The following EPSTI1 variants were observed in gnomAD, a reference collection of about 807,000 sequenced individuals.
EPSTI1 encodes epithelial-stromal interaction protein 1.
Under a neutral mutation model 49.9 loss-of-function variants are expected in EPSTI1, and 66 were observed. The observed-to-expected ratio is 1.32, with a 90% CI of 1.08 to 1.62. The LOEUF is 1.62. Among genes scored for constraint, EPSTI1 ranks in the 40% most tolerant of loss-of-function variants. EPSTI1 has a pLI of 0.00. For synonymous variants in EPSTI1, 137 were observed against 130.7 expected, an observed-to-expected ratio of 1.05 and a Z score of -0.33; for missense variants, 394 against 365.5, an observed-to-expected ratio of 1.08 and a Z score of -0.64.
At chr13:42,970,016 C>G (rs1044362628) in intron 2 of EPSTI1, 1 of 152,332 alleles carries the variant, frequency 6.6e-6, no homozygotes, top group African/African-American at 2.4e-5. Flanking sequence ...CCACCCGGAG[C>G]TACATGTCCG....
At chr13:42,977,954 T>C (rs938644519) in intron 1 of EPSTI1, among the ~76,000 whole-genome samples, 2 of 151,946 alleles carry the variant, frequency 1.3e-5, no homozygotes, top group Non-Finnish European at 2.9e-5. Flanking sequence ...ATCGAGACCA[T>C]CCTGGCTAAC....
At chr13:42,969,399 T>TTTTGGTGTGTGAGTGTG in intron 2 of EPSTI1, 2 of 489,302 alleles carry the variant, frequency 4.1e-6, no homozygotes, top group Non-Finnish European at 7.1e-6. Flanking sequence ...CACAGAGGGT[T>TTTTGGTGTGTGAGTGTG]CGAATTTGAA....
At chr13:42,972,785 G>C (rs2039796776) in intron 1 of EPSTI1, among the ~76,000 whole-genome samples, 2 of 151,966 alleles carry the variant, frequency 1.3e-5, no homozygotes. Flanking sequence ...TTAGGAACAA[G>C]TCAAGAAACC....
At chr13:42,921,270 T>C (rs538095554) in intron 7 of EPSTI1, among the ~76,000 whole-genome samples, 10 of 152,238 alleles carry the variant, frequency 6.6e-5, no homozygotes, top group South Asian at 6.2e-4. Flanking sequence ...ATCCTTCATA[T>C]AAAGCCTGAA....
At chr13:42,897,722 A>G (rs1423356045) in intron 9 of EPSTI1, among the ~76,000 whole-genome samples, 1 of 152,256 alleles carries the variant, frequency 6.6e-6, no homozygotes, top group East Asian at 1.9e-4. Context: ...CTTTGATACT[A>G]TAGGAGTGTC....
chr13:42,942,749 C>T (rs1384826452), intron 6 of EPSTI1, among the ~76,000 whole-genome samples: 6 of 138,446 alleles, frequency 4.3e-5, no homozygotes, highest in African/African-American at 1.1e-4. Flanking sequence ...ACTGCAGTGG[C>T]GCAATCTCGG....
intron 5 of EPSTI1, among the ~76,000 whole-genome samples, chr13:42,960,164 T>C (rs140133110): frequency 2.0e-5 from 3 of 152,298 alleles, no homozygotes; most frequent in Non-Finnish European, 4.4e-5. Flanking sequence ...TATAATACCG[T>C]ATATTATCTC....
chr13:42,939,132 A>G (rs1302649415), intron 6 of EPSTI1, among the ~76,000 whole-genome samples: 1 of 152,126 alleles, frequency 6.6e-6, no homozygotes. Context: ...CAGCTTTCAT[A>G]GAATTAAACA....
chr13:42,963,899 C>G (rs2039532707), intron 4 of EPSTI1, among the ~76,000 whole-genome samples, 167 bp downstream of exon 4: 1 of 152,214 alleles, frequency 6.6e-6, no homozygotes, highest in Non-Finnish European at 1.5e-5. Context: ...AGGTATCCAT[C>G]TCTTCACTTC....
chr13:42,888,304 A>T lies in EPSTI1; in HGVS notation c.*190T>A. 6.3e-7 allele frequency: 1 copy of T among 1,581,462 alleles called. No homozygotes were observed. The highest frequency in any genetic ancestry group is 8.6e-7 in the Non-Finnish European group (1 of 1,161,334). On this transcript the variant is annotated 3_prime_UTR_variant, in exon 11 of 11. Coordinates refer to ENST00000313624, the MANE Select transcript of EPSTI1 (RefSeq NM_033255.5). ...AGTAGAGATTAAATATGAGTTCAGGAATCAGCTCCTCCAAACATGCATAAA... is the reference window on the plus strand; with the variant it reads ...AGTAGAGATTAAATATGAGTTCAGGTATCAGCTCCTCCAAACATGCATAAA...
chr13:42,920,615 C>T (rs986231197), intron 7 of EPSTI1, among the ~76,000 whole-genome samples: 1 of 152,130 alleles, frequency 6.6e-6, no homozygotes, highest in Non-Finnish European at 1.5e-5. Flanking sequence ...CCCCATATAC[C>T]TGCTCCTGCT....
intron 2 of EPSTI1, 177 bp from the exon 3 acceptor site, chr13:42,969,354 G>A (rs931438439): frequency 2.4e-5 from 15 of 631,116 alleles, no homozygotes; most frequent in Non-Finnish European, 3.7e-5. Context: ...GTCATCCTGG[G>A]CCCGGCCCTG....
chr13:42,909,102 T>TAA (rs200377889), intron 8 of EPSTI1, among the ~76,000 whole-genome samples: 1 of 150,950 alleles, frequency 6.6e-6, no homozygotes, highest in South Asian at 2.1e-4. Flanking sequence ...TCAAAAATAA[T>TAA]AACAATTTAA....
At chr13:42,978,790 A>T (rs1210108337) in intron 1 of EPSTI1, among the ~76,000 whole-genome samples, 1 of 152,226 alleles carries the variant, frequency 6.6e-6, no homozygotes, top group Non-Finnish European at 1.5e-5. Flanking sequence ...TATAACATAT[A>T]TGACATCTAT....
At chr13:42,907,938 A>G (rs2037545264) in intron 8 of EPSTI1, among the ~76,000 whole-genome samples, 1 of 152,240 alleles carries the variant, frequency 6.6e-6, no homozygotes, top group African/African-American at 2.4e-5. Context: ...CCAAAAATAC[A>G]TCCACACATG....
intron 7 of EPSTI1, among the ~76,000 whole-genome samples, chr13:42,918,195 T>G (rs913748224): frequency 1.3e-5 from 2 of 152,178 alleles, no homozygotes; most frequent in Non-Finnish European, 1.5e-5. Flanking sequence ...CAGGAACACA[T>G]GACAACAAAG....
chr13:42,960,905 T>G (rs1476916511), intron 5 of EPSTI1, among the ~76,000 whole-genome samples: 1 of 152,224 alleles, frequency 6.6e-6, no homozygotes. Flanking sequence ...TATTGCAGGA[T>G]ACGCTCTCTA....
chr13:42,914,648 C>T (rs887809998), intron 8 of EPSTI1, among the ~76,000 whole-genome samples: 2 of 152,060 alleles, frequency 1.3e-5, no homozygotes, highest in African/African-American at 4.8e-5. Context: ...AGTAAAATTA[C>T]CTTTGTCTTT....
chr13:42,900,458 T>C (rs1487274538), intron 8 of EPSTI1, 75 bp from the exon 9 acceptor site: 1 of 1,351,358 alleles, frequency 7.4e-7, no homozygotes, highest in Non-Finnish European at 1.1e-6. Flanking sequence ...ATCAATTACA[T>C]ATTTAAACCT....
Sources: allele counts gnomAD v4.1 joint callset (sites outside exome capture counted in the v4.1 genomes callset), GRCh38; gene constraint gnomAD v4.1.1; transcripts MANE v1.5; gene names NCBI Gene and HGNC (gene_info 2026-07-23, HGNC 2026-07-21).